Variants in MAB21L4 observed in about 807,000 individuals in gnomAD.
The protein encoded by MAB21L4 is mab-21 like 4.
Under a neutral mutation model 32.4 loss-of-function variants are expected in MAB21L4, and 25 were observed. The observed-to-expected ratio is 0.77, with a 90% CI of 0.56 to 1.08. The LOEUF is 1.08. MAB21L4 is among the 50% of genes least tolerant of loss of function. The pLI is 0.00. For synonymous variants in MAB21L4, 280 were observed against 276.8 expected (o/e 1.01, Z -0.11); for missense variants, 638 against 611.0 (o/e 1.04, Z -0.47).
chr2:240,889,006 C>A (rs1455837554), intron 3 of MAB21L4, among the ~76,000 whole-genome samples: 1 of 111,876 alleles, frequency 8.9e-6, no homozygotes, highest in Admixed American at 8.4e-5. Flanking sequence ...AGCTCCTACT[C>A]ACCCCCTGCA....
intron 4 of MAB21L4, 60 bp from the exon 5 acceptor site, chr2:240,887,222 C>CA: frequency 7.1e-7 from 1 of 1,407,928 alleles, no homozygotes; most frequent in Non-Finnish European, 1.0e-6. Flanking sequence ...ATGATAAGCT[C>CA]TCAGGGCCGA....
At position 240,895,961 on chromosome 2, in the gene MAB21L4, C is replaced by T. The variant is rs551400274; in HGVS notation, c.37G>A (p.Val13Met). 1.6e-5 allele frequency: 23 copies of T among 1,479,542 alleles called. No homozygotes were observed. Among genetic ancestry groups the T allele is most frequent in the Admixed American group, 7.4e-5 (3 of 40,610 alleles). The allele number at this position is 1,479,542 out of a possible 1,614,324, so 91.7% of individuals were successfully genotyped here. Residue 13 changes from valine to methionine, a missense_variant, in exon 1 of 5, where the codon GTG (valine) becomes ATG (methionine). Transcript: ENST00000388934. ...APALPTSAMA[V>M]QVPLWHHYLQ... Reference sequence around the variant, plus strand: ...TAGTGGTGCCACAGGGGCACCTGCACGGCCATGGCTGAGGTGGGGAGAGCA... The same window carrying T: ...TAGTGGTGCCACAGGGGCACCTGCATGGCCATGGCTGAGGTGGGGAGAGCA...
intron 1 of MAB21L4, among the ~76,000 whole-genome samples, chr2:240,892,846 C>T (rs1286478529): frequency 6.6e-6 from 1 of 152,146 alleles, no homozygotes; most frequent in Non-Finnish European, 1.5e-5. Flanking sequence ...ACACAGAGCC[C>T]AGAGTCCCTG....
At chr2:240,887,467 A>G (rs1023291051) in intron 4 of MAB21L4, among the ~76,000 whole-genome samples, 2 of 152,224 alleles carry the variant, frequency 1.3e-5, no homozygotes, top group African/African-American at 4.8e-5. Context: ...CTGCCCACAC[A>G]GGTCTGCTGA....
Position 240,888,662 on chromosome 2 carries a change from G to C in MAB21L4, c.895-14C>G. The C allele has an allele frequency of 1.3e-6, 2 of 1,517,226 alleles. No individual in the cohort carries two copies. The highest frequency in any genetic ancestry group is 1.8e-6 in the Non-Finnish European group (2 of 1,131,562). 94.0% of individuals were successfully genotyped at this position (1,517,226 alleles called of 1,614,324 possible). A position where few individuals can be genotyped will look rare whatever the true frequency, so the allele number is the denominator to read the frequency against. ...CAGCAGCACCATCTGCAGGACAGCA[G>C]GGTCAGCCCTGGCCTCCTGGCCCAC... On this transcript the variant is annotated splice_polypyrimidine_tract_variant and intron_variant, in intron 3 of 4. Transcript: ENST00000388934.
At chr2:240,890,759 T>G (rs1008870505) in intron 2 of MAB21L4, among the ~76,000 whole-genome samples, 2 of 152,150 alleles carry the variant, frequency 1.3e-5, no homozygotes, top group African/African-American at 4.8e-5. Flanking sequence ...AAAATGTCAT[T>G]TTCCCATTTA....
At chr2:240,894,276 G>C (rs959364357) in intron 1 of MAB21L4, among the ~76,000 whole-genome samples, 1 of 152,030 alleles carries the variant, frequency 6.6e-6, no homozygotes, top group African/African-American at 2.4e-5. Context: ...GAGGTGACTC[G>C]AGGCAACAAA....
intron 1 of MAB21L4, among the ~76,000 whole-genome samples, chr2:240,893,078 C>T (rs934015854): frequency 3.3e-5 from 5 of 152,230 alleles, no homozygotes; most frequent in South Asian, 2.1e-4. Flanking sequence ...CCCTCCCCTC[C>T]CCAGTACTGT....
chr2:240,892,674 A>G (rs1017232847), intron 1 of MAB21L4, among the ~76,000 whole-genome samples: 1 of 152,072 alleles, frequency 6.6e-6, no homozygotes, highest in African/African-American at 2.4e-5. Flanking sequence ...GAGCTCAGCC[A>G]CTATTCCTGA....
chr2:240,887,784 G>C (rs2059108353), intron 4 of MAB21L4, among the ~76,000 whole-genome samples: 1 of 152,186 alleles, frequency 6.6e-6, no homozygotes, highest in African/African-American at 2.4e-5. Flanking sequence ...GCTCAGCAGA[G>C]GTGGCAGAGC....
intron 1 of MAB21L4, 34 bp from the exon 2 acceptor site, chr2:240,891,797 T>C: frequency 6.2e-7 from 1 of 1,603,000 alleles, no homozygotes. Context: ...GCCCCTCGAC[T>C]TGCCTCACCT....
chr2:240,895,989 G>A lies in MAB21L4; in HGVS notation c.9C>T (p.Ala3=), dbSNP rs2059184708. MP[A]PALPTSAMAV... is the part of the protein sequence containing the mutation. ...CCATGGCTGAGGTGGGGAGAGCAGG[G>A]GCAGGCATCCCTTCAACAGTGGCAG... Residue 3 remains alanine, a synonymous_variant, in exon 1 of 5, where the codon GCC becomes GCT. Coordinates refer to ENST00000388934, the MANE Select transcript of MAB21L4 (RefSeq NM_001085437.3). 4.1e-6 allele frequency: 6 copies of A among 1,453,614 alleles called. No individual in the cohort carries two copies. The highest frequency in any genetic ancestry group is 1.4e-5 in the African/African-American group (1 of 70,256). The allele number at this position is 1,453,614 out of a possible 1,614,324, so 90.0% of individuals were successfully genotyped here. A position where few individuals can be genotyped will look rare whatever the true frequency, so the allele number is the denominator to read the frequency against.
At chr2:240,891,844 C>T in intron 1 of MAB21L4, 81 bp from the exon 2 acceptor site, 5 of 1,593,446 alleles carry the variant, frequency 3.1e-6, no homozygotes, top group African/African-American at 1.3e-5. Context: ...CTGCTGCCAA[C>T]TTGGCCCCTG....
In MAB21L4 at chr2:240,889,793, G is replaced by A. The variant is rs749869552; in HGVS notation, c.894+212C>T. ...CTAGGGATGGCGAAGGCCAGCCTGC[G>A]GCACCACGGCACCCGCGGCCACATT... On this transcript the variant is annotated intron_variant, in intron 3 of 4. Coordinates refer to ENST00000388934, the MANE Select transcript of MAB21L4 (RefSeq NM_001085437.3). 5.9e-4 allele frequency among the ~76,000 whole-genome samples: 90 copies of A among 152,334 alleles called. No individual in the cohort carries two copies. The Middle Eastern group carries it at 0.02, about 35-fold the overall frequency.
In MAB21L4 at chr2:240,895,628, T is replaced by C. The variant is rs760488533; in HGVS notation, c.370A>G (p.Thr124Ala). 4 of 1,612,554 alleles carry C rather than the reference T, an allele frequency of 2.5e-6. No individual in the cohort carries two copies. In the African/African-American group the frequency reaches 4.0e-5, roughly 16 times the overall value. The change falls in exon 1 of 5, where the codon ACC becomes GCC. Residue 124 changes from threonine to alanine, a missense_variant. By Grantham distance (58) the Thr-to-Ala change is moderately conservative. Transcript: ENST00000388934. ...GAGGCAGTGAAGGTATCCTCGGTGG[T>C]CCACCGCTCCAGGCCAGCCCCTTCC... Reference protein sequence around the residue: ...PREGAGLERWTTEDTFTASSE... With the variant: ...PREGAGLERWATEDTFTASSE...
At position 240,888,571 on chromosome 2, in the gene MAB21L4, C is replaced by T. The variant is rs1463570845; in HGVS notation, c.972G>A (p.Leu324=). Residue 324 remains leucine, a synonymous_variant, in exon 4 of 5, where the codon CTG becomes CTA. Coordinates refer to ENST00000388934, the MANE Select transcript of MAB21L4 (RefSeq NM_001085437.3). ...CCAGGCAACAGAGCAGCACCACCAG[C>T]AGGCGGTACACGGCGCCCTGCAGTT... ...WAELQGAVYR[L]LVVLLCCLAT... is the part of the protein sequence containing the mutation. 1.2e-6 allele frequency: 2 copies of T among 1,608,438 alleles called. No homozygotes were observed. The highest frequency in any genetic ancestry group is 1.7e-6 in the Non-Finnish European group (2 of 1,178,762).
intron 3 of MAB21L4, among the ~76,000 whole-genome samples, chr2:240,889,683 G>T (rs992564683): frequency 6.6e-6 from 1 of 152,198 alleles, no homozygotes; most frequent in Non-Finnish European, 1.5e-5. Context: ...GGCTGGCTGG[G>T]CGGGAACACT....
intron 4 of MAB21L4, among the ~76,000 whole-genome samples, chr2:240,887,721 G>C (rs1000161998): frequency 1.3e-5 from 2 of 152,196 alleles, no homozygotes; most frequent in African/African-American, 4.8e-5. Flanking sequence ...TTTGCTCCTG[G>C]GATGAGGGTG....
At chr2:240,892,293 G>A (rs1431391890) in intron 1 of MAB21L4, among the ~76,000 whole-genome samples, 1 of 152,156 alleles carries the variant, frequency 6.6e-6, no homozygotes, top group Non-Finnish European at 1.5e-5. Flanking sequence ...CAGAGCTGGA[G>A]AGGGTGGAGC....
Sources: allele counts gnomAD v4.1 joint callset (sites outside exome capture counted in the v4.1 genomes callset), GRCh38; gene constraint gnomAD v4.1.1; transcripts MANE v1.5; gene names NCBI Gene and HGNC (gene_info 2026-07-23, HGNC 2026-07-21).